The following ADARB2 variants were observed in gnomAD, a reference collection of about 807,000 sequenced individuals.
ADARB2 encodes adenosine deaminase RNA specific B2 (inactive), also known as inactive double-stranded RNA-specific editase B2.
ADARB2 carries 25 observed loss-of-function variants against 62.2 expected under a neutral mutation model. The observed-to-expected ratio is 0.40, with a 90% CI of 0.29 to 0.56. The LOEUF is 0.56. ADARB2 is among the 20% of genes least tolerant of loss of function. The pLI is 0.43. For synonymous variants in ADARB2, 572 were observed against 500.8 expected (o/e 1.14, Z -1.90); for missense variants, 1,071 against 1,077.4 (o/e 0.99, Z 0.08).
Position 1,519,096 on chromosome 10 carries a change from A to G in ADARB2, c.101-139936T>C, listed in dbSNP as rs532521509. Among the ~76,000 whole-genome samples, 7 of 151,368 alleles carry G rather than the reference A, an allele frequency of 4.6e-5. 1 individual carries two copies. In the South Asian group the frequency reaches 1.5e-3, roughly 32 times the overall value. On this transcript the variant is annotated intron_variant, in intron 1 of 9. Transcript: ENST00000381312. The stretch of plus-strand genomic sequence containing the variant: ...TGCATGTATTCCATGTAACGTCTGT[A>G]CACGGTGTGGTCATACGCATTCATT...
At chr10:1,406,103 G>A (rs529328995) in intron 1 of ADARB2, among the ~76,000 whole-genome samples, 1 of 152,330 alleles carries the variant, frequency 6.6e-6, no homozygotes, top group African/African-American at 2.4e-5. Flanking sequence ...GTAGACTTGG[G>A]CTATGTGTTA....
intron 4 of ADARB2, among the ~76,000 whole-genome samples, chr10:1,253,419 AT>A (rs1316232279): frequency 6.6e-6 from 1 of 152,208 alleles, no homozygotes; most frequent in African/African-American, 2.4e-5. Flanking sequence ...TTTCAACTAA[AT>A]CTGACCATGG....
At chr10:1,225,573 T>C (rs989319405) in intron 6 of ADARB2, among the ~76,000 whole-genome samples, 3 of 152,240 alleles carry the variant, frequency 2.0e-5, no homozygotes, top group Admixed American at 6.5e-5. Context: ...CCATGTTTAG[T>C]GCTTCCTTCA....
chr10:1,526,024 T>TGTGTATGC (rs1832137374), intron 1 of ADARB2, among the ~76,000 whole-genome samples: 1 of 152,166 alleles, frequency 6.6e-6, no homozygotes, highest in Non-Finnish European at 1.5e-5. Context: ...TTTGTGTATG[T>TGTGTATGC]GTGTATGCGT....
intron 1 of ADARB2, among the ~76,000 whole-genome samples, chr10:1,482,424 C>T (rs889287569): frequency 1.3e-5 from 2 of 152,124 alleles, no homozygotes; most frequent in Admixed American, 6.5e-5. Context: ...GATGAGCCGG[C>T]CATGAAAGGA....
intron 1 of ADARB2, among the ~76,000 whole-genome samples, chr10:1,502,796 T>A (rs762630275): frequency 2.0e-5 from 3 of 152,228 alleles, no homozygotes; most frequent in Non-Finnish European, 2.9e-5. Context: ...AGAAACGGGA[T>A]CATGTTGTCT....
intron 1 of ADARB2, among the ~76,000 whole-genome samples, chr10:1,435,140 G>C (rs749707160): frequency 6.6e-6 from 1 of 152,248 alleles, no homozygotes; most frequent in Non-Finnish European, 1.5e-5. Context: ...GAGGCCGGCT[G>C]TGCCTCCAAT....
chr10:1,619,139 C>G (rs1833678581), intron 1 of ADARB2, among the ~76,000 whole-genome samples: 1 of 152,124 alleles, frequency 6.6e-6, no homozygotes, highest in South Asian at 2.1e-4. Context: ...AAATGTAAAT[C>G]CAGCCATATC....
chr10:1,508,044 C>T (rs1392489477), intron 1 of ADARB2, among the ~76,000 whole-genome samples: 3 of 152,174 alleles, frequency 2.0e-5, no homozygotes, highest in Non-Finnish European at 4.4e-5. Flanking sequence ...TTCTAAATCT[C>T]ACAAGGGAGA....
chr10:1,305,475 A>G (rs1409158765), intron 3 of ADARB2, among the ~76,000 whole-genome samples: 2 of 151,762 alleles, frequency 1.3e-5, no homozygotes, highest in African/African-American at 4.8e-5. Flanking sequence ...CCAGAGGTAC[A>G]AGGAGGAACT....
intron 1 of ADARB2, among the ~76,000 whole-genome samples, chr10:1,572,146 GACAGGTGAGTGT>G (rs1832949714): frequency 1.4e-5 from 2 of 138,554 alleles, no homozygotes; most frequent in Admixed American, 7.2e-5. Context: ...CAGGTGAGTG[GACAGGTGAGTGT>G]GCAGGTGAGT....
At chr10:1,676,785 ATT>A (rs11386780) in intron 1 of ADARB2, among the ~76,000 whole-genome samples, 1 of 151,952 alleles carries the variant, frequency 6.6e-6, no homozygotes, top group African/African-American at 2.4e-5. Flanking sequence ...ATTCATTTTA[ATT>A]TTTTTTAAGA....
intron 1 of ADARB2, among the ~76,000 whole-genome samples, chr10:1,505,543 G>A (rs949582500): frequency 6.6e-6 from 1 of 152,224 alleles, no homozygotes; most frequent in Non-Finnish European, 1.5e-5. Flanking sequence ...CGTTCTGCCT[G>A]AATTGAAACC....
chr10:1,390,924 C>A (rs527428096), intron 1 of ADARB2, among the ~76,000 whole-genome samples: 2 of 152,206 alleles, frequency 1.3e-5, no homozygotes, highest in African/African-American at 4.8e-5. Flanking sequence ...TGCCTTAAAT[C>A]GGCTTAGGTC....
At chr10:1,230,342 T>G (rs973713625) in intron 6 of ADARB2, among the ~76,000 whole-genome samples, 2 of 152,074 alleles carry the variant, frequency 1.3e-5, no homozygotes, top group African/African-American at 4.8e-5. Flanking sequence ...CTGGGAACAG[T>G]GCAAACTGGA....
chr10:1,639,714 C>T (rs375845412), intron 1 of ADARB2, among the ~76,000 whole-genome samples: 104 of 152,102 alleles, frequency 6.8e-4, no homozygotes, highest in African/African-American at 2.2e-3. Context: ...TGGTGGCGGG[C>T]GCCTGTAGTC....
chr10:1,457,232 A>G (rs1831105795), intron 1 of ADARB2, among the ~76,000 whole-genome samples: 2 of 152,208 alleles, frequency 1.3e-5, no homozygotes, highest in African/African-American at 2.4e-5. Flanking sequence ...TTTAGACATA[A>G]GGCTCAGCTT....
At chr10:1,351,690 C>T (rs187062297) in intron 3 of ADARB2, among the ~76,000 whole-genome samples, 2,225 of 152,130 alleles carry the variant, frequency 0.015, 56 homozygotes, top group African/African-American at 0.05. Flanking sequence ...CCCATTAAAA[C>T]CTAATCACCG....
chr10:1,410,411 G>A (rs1448592326), intron 1 of ADARB2, among the ~76,000 whole-genome samples: 1 of 152,182 alleles, frequency 6.6e-6, no homozygotes, highest in East Asian at 1.9e-4. Context: ...GGATGGAAAG[G>A]TTTGGGCCAG....
Sources: gnomAD v4.1 joint callset for allele counts (sites outside exome capture counted in the v4.1 genomes callset) on GRCh38, gnomAD v4.1.1 for gene constraint, MANE v1.5 for transcripts, NCBI Gene and HGNC (gene_info 2026-07-23, HGNC 2026-07-21) for gene names.